The following KCTD2 variants were observed in gnomAD, a reference collection of about 807,000 sequenced individuals.
The protein encoded by KCTD2 is BTB/POZ domain-containing protein KCTD2.
In KCTD2, 18 loss-of-function variants were observed where a neutral mutation model predicts 27.9. The observed-to-expected ratio is 0.64, with a 90% CI of 0.45 to 0.96. KCTD2 has a LOEUF of 0.96. Ranked by LOEUF, KCTD2 falls within the 40% of genes least tolerant of loss-of-function variation. The pLI is 0.00. For missense variants in KCTD2, 280 were observed against 348.0 expected, an observed-to-expected ratio of 0.80 and a Z score of 1.56; for synonymous variants, 175 against 148.4, an observed-to-expected ratio of 1.18 and a Z score of -1.30.
Position 75,047,424 on chromosome 17 carries a change from T to A in KCTD2, c.174T>A (p.Gly58=), listed in dbSNP as rs765885772. The change falls in exon 1 of 6, where the codon GGT becomes GGA. Residue 58 remains glycine (G), a synonymous_variant. Coordinates refer to ENST00000322444, the MANE Select transcript of KCTD2 (RefSeq NM_015353.3). ...CCGTCGCGCAGCCGCTGGAGCCGGG[T>A]CCCGGACCACCCGAGCGGGCAGGGG... The part of the protein sequence containing the change: ...AAAVAQPLEP[G]PGPPERAGGG... 62 of 1,364,008 alleles carry A rather than the reference T, an allele frequency of 4.5e-5. No homozygotes were observed. The highest frequency in any genetic ancestry group is 4.9e-5 in the Non-Finnish European group (52 of 1,051,192). The allele number at this position is 1,364,008 out of a possible 1,614,324, so 84.5% of individuals were successfully genotyped here.
rs2073428714 is a variant in KCTD2, at chr17:75,063,751, G to C, written c.*704G>C. 1 of 152,458 alleles carries C rather than the reference G, an allele frequency of 6.6e-6. No individual in the cohort carries two copies. The highest frequency in any genetic ancestry group is 2.1e-4 in the South Asian group (1 of 4,826). The allele number at this position is 152,458 out of a possible 1,614,324, so 9.4% of individuals were successfully genotyped here. A position where few individuals can be genotyped will look rare whatever the true frequency, so the allele number is the denominator to read the frequency against. ...CTTTCTCCAGCAGCCGGGACCCTCTGGAGAGCTTGTTTTCCCTCCAAGAAG... is the reference window on the plus strand; with the variant it reads ...CTTTCTCCAGCAGCCGGGACCCTCTCGAGAGCTTGTTTTCCCTCCAAGAAG... On this transcript the variant is annotated 3_prime_UTR_variant, in exon 6 of 6. Coordinates refer to ENST00000322444, the MANE Select transcript of KCTD2 (RefSeq NM_015353.3).
At chr17:75,039,724 G>T in intron 3 of KCTD2, 2 of 268,624 alleles carry the variant, frequency 7.4e-6, no homozygotes, top group Non-Finnish European at 7.1e-6. Flanking sequence ...GCTTTGTTGA[G>T]GTATATCTGA....
intron 3 of KCTD2, chr17:75,040,330 A>G: frequency 5.7e-6 from 4 of 705,508 alleles, no homozygotes; most frequent in African/African-American, 1.8e-5. Context: ...ACGCATCTCA[A>G]TACTGGAGTA....
At chr17:75,062,046 G>A in intron 4 of KCTD2, 74 bp from the exon 5 acceptor site, 1 of 1,546,980 alleles carries the variant, frequency 6.5e-7, no homozygotes, top group Admixed American at 1.7e-5. Context: ...TCGGAAGAGG[G>A]GTGATTTGTG....
chr17:75,043,159 T>G (rs139824435), upstream of KCTD2, among the ~76,000 whole-genome samples: 589 of 152,302 alleles, frequency 3.9e-3, 2 homozygotes, highest in Middle Eastern at 6.8e-3. Flanking sequence ...AGGCAGAGGT[T>G]GTAATGAGCT....
chr17:75,056,433 T>G (rs1267197102), intron 3 of KCTD2, among the ~76,000 whole-genome samples: 4 of 152,240 alleles, frequency 2.6e-5, no homozygotes. Flanking sequence ...TTGAAATGAT[T>G]CAAGTCATGG....
intron 3 of KCTD2, chr17:75,059,064 CT>C (rs1181240013): frequency 1.3e-5 from 2 of 152,110 alleles, no homozygotes; most frequent in African/African-American, 4.8e-5. Flanking sequence ...CACCATTGCA[CT>C]CCAGCCTGGG....
At chr17:75,061,984 G>C in intron 4 of KCTD2, 136 bp from the exon 5 acceptor site, 2 of 936,784 alleles carry the variant, frequency 2.1e-6, no homozygotes, top group South Asian at 1.5e-5. Context: ...GGCTTTGGTA[G>C]TCACAGAGAA....
At chr17:75,051,938 A>G (rs1191117059) in intron 2 of KCTD2, among the ~76,000 whole-genome samples, 1 of 152,186 alleles carries the variant, frequency 6.6e-6, no homozygotes, top group African/African-American at 2.4e-5. Context: ...GCAAGTCTTT[A>G]AATGGTTGCC....
At position 75,064,222 on chromosome 17, in the gene KCTD2, C is replaced by T. The variant is rs1343926688; in HGVS notation, c.*1175C>T. On this transcript the variant is annotated 3_prime_UTR_variant, in exon 6 of 6. Transcript: ENST00000322444. ...GGCGAGGATCCGGATGCGGCAGCACCCTCTTTCGGGCTGCATCCACAGAGT... is the reference window on the plus strand; with the variant it reads ...GGCGAGGATCCGGATGCGGCAGCACTCTCTTTCGGGCTGCATCCACAGAGT... The T allele has an allele frequency of 4.6e-5, 7 of 152,284 alleles. No individual in the cohort carries two copies. Among genetic ancestry groups the T allele is most frequent in the African/African-American group, 1.7e-4 (7 of 41,446 alleles). 9.4% of individuals were successfully genotyped at this position (152,284 alleles called of 1,614,324 possible).
intron 3 of KCTD2, among the ~76,000 whole-genome samples, chr17:75,037,876 C>T (rs1256793594): frequency 1.3e-5 from 2 of 151,972 alleles, no homozygotes; most frequent in African/African-American, 2.4e-5. Flanking sequence ...GGTGAAACCC[C>T]GTCTCTACTA....
At chr17:75,047,145 C>A, upstream of KCTD2, 2 of 298,424 alleles carry the variant, frequency 6.7e-6, no homozygotes, top group African/African-American at 2.3e-5. Context: ...TCCCGTCCCT[C>A]TCCCCTCTGC....
At chr17:75,042,102 T>G in intron 3 of KCTD2, 1 of 1,239,466 alleles carries the variant, frequency 8.1e-7, no homozygotes, top group Admixed American at 2.0e-5. Context: ...TGTCATGCTG[T>G]GTATGTAATT....
intron 4 of KCTD2, chr17:75,060,587 G>T: frequency 1.2e-6 from 2 of 1,610,278 alleles, no homozygotes; most frequent in Non-Finnish European, 1.7e-6. Flanking sequence ...GCAGCTGGCC[G>T]GCGCCGGCCT....
At chr17:75,048,522 C>A (rs1598120746) in intron 1 of KCTD2, among the ~76,000 whole-genome samples, 1 of 152,190 alleles carries the variant, frequency 6.6e-6, no homozygotes, top group Non-Finnish European at 1.5e-5. Context: ...CCTGCCCTAA[C>A]TTTAAAGAGA....
intron 2 of KCTD2, among the ~76,000 whole-genome samples, chr17:75,051,547 A>G (rs11871228): frequency 0.17 from 25,197 of 148,390 alleles, 3,327 homozygotes; most frequent in East Asian, 0.63. Context: ...GCCTCCCGAA[A>G]TGCTGCGATT....
intron 4 of KCTD2, among the ~76,000 whole-genome samples, chr17:75,061,911 C>T (rs544488718): frequency 3.3e-5 from 5 of 152,242 alleles, no homozygotes; most frequent in Admixed American, 2.6e-4. Flanking sequence ...AGCTCATACT[C>T]TTCCTCCTGG....
intron 3 of KCTD2, among the ~76,000 whole-genome samples, chr17:75,054,548 G>A (rs1182786341): frequency 1.3e-5 from 2 of 152,130 alleles, no homozygotes; most frequent in Admixed American, 6.5e-5. Context: ...GCTCACGCCT[G>A]TAATCCCAGC....
At chr17:75,045,644 C>T (rs567855819), upstream of KCTD2, among the ~76,000 whole-genome samples, 25 of 150,500 alleles carry the variant, frequency 1.7e-4, no homozygotes, top group African/African-American at 6.1e-4. Context: ...CCCGGCTCAC[C>T]GGCGGTCAGA....
Sources: gnomAD v4.1 joint callset for allele counts (sites outside exome capture counted in the v4.1 genomes callset) on GRCh38, gnomAD v4.1.1 for gene constraint, MANE v1.5 for transcripts, NCBI Gene and HGNC (gene_info 2026-07-23, HGNC 2026-07-21) for gene names.